The following MAPK8 variants were observed in gnomAD, a reference collection of about 807,000 sequenced individuals.
MAPK8 encodes the protein mitogen-activated protein kinase 8.
A neutral mutation model predicts 52.9 loss-of-function variants in MAPK8; 13 were observed. That is an observed-to-expected ratio of 0.25 (90% CI 0.16 to 0.39). MAPK8 has a LOEUF of 0.39. Among genes scored for constraint, MAPK8 ranks in the 10% least tolerant of loss-of-function variants. The pLI is 1.00. For synonymous variants in MAPK8, 191 were observed against 169.8 expected (o/e 1.12, Z -0.97); for missense variants, 300 against 519.2 (o/e 0.58, Z 4.10).
At chr10:48,432,140 A>G (rs2044347791) in intron 11 of MAPK8, among the ~76,000 whole-genome samples, 1 of 152,192 alleles carries the variant, frequency 6.6e-6, no homozygotes, top group Non-Finnish European at 1.5e-5. Context: ...AAGGAGGTGA[A>G]ATTTGAGCTG....
chr10:48,396,613 T>G (rs2041899501), intron 1 of MAPK8, among the ~76,000 whole-genome samples: 1 of 152,150 alleles, frequency 6.6e-6, no homozygotes, highest in Admixed American at 6.5e-5. Context: ...AAACTTATAT[T>G]CACACAAAAA....
rs531304408 is a variant in MAPK8 at position 48,386,407 on chromosome 10, T to G, written c.-49-15205T>G. On this transcript the variant is annotated intron_variant, in intron 1 of 11. Coordinates refer to ENST00000374189, the MANE Select transcript of MAPK8 (RefSeq NM_001323329.2). ...ATTTAAAATTAAAATAGCTTTTGAG[T>G]ACCTTGGGAAATAGTATATTCTTAC... 2.6e-5 allele frequency among the ~76,000 whole-genome samples: 4 copies of G among 152,336 alleles called. No homozygotes were observed. The South Asian group carries it at 8.3e-4, about 32-fold the overall frequency.
chr10:48,393,288 C>A (rs778323823), intron 1 of MAPK8, among the ~76,000 whole-genome samples: 40 of 151,990 alleles, frequency 2.6e-4, no homozygotes, highest in Non-Finnish European at 4.6e-4. Flanking sequence ...AAAGTTATCT[C>A]AGACTCAACA....
chr10:48,390,092 G>C (rs2041539922), intron 1 of MAPK8, among the ~76,000 whole-genome samples: 1 of 152,072 alleles, frequency 6.6e-6, no homozygotes, highest in Admixed American at 6.6e-5. Flanking sequence ...CAAGATCTAG[G>C]AAGAGCTGAT....
intron 5 of MAPK8, among the ~76,000 whole-genome samples, chr10:48,412,618 C>T (rs1162447729): frequency 6.6e-6 from 1 of 152,144 alleles, no homozygotes; most frequent in African/African-American, 2.4e-5. Flanking sequence ...TATTTACTTG[C>T]CTTAACCATG....
chr10:48,380,893 T>G (rs1054723557), intron 1 of MAPK8, among the ~76,000 whole-genome samples: 1 of 152,208 alleles, frequency 6.6e-6, no homozygotes, highest in Non-Finnish European at 1.5e-5. Flanking sequence ...GCTCTTTGAT[T>G]AGCAGGAGAC....
At chr10:48,327,621 C>A (rs1274843439) in intron 1 of MAPK8, among the ~76,000 whole-genome samples, 1 of 152,132 alleles carries the variant, frequency 6.6e-6, no homozygotes, top group Non-Finnish European at 1.5e-5. Context: ...AATGTTCCTT[C>A]TGTTTTTATT....
intron 2 of MAPK8, among the ~76,000 whole-genome samples, chr10:48,402,456 TCATC>T (rs1415862759): frequency 1.3e-5 from 2 of 152,212 alleles, no homozygotes; most frequent in Non-Finnish European, 2.9e-5. Context: ...GTTTCAAAAT[TCATC>T]CATATGTTTA....
At chr10:48,412,828 T>C (rs1019579939) in intron 5 of MAPK8, among the ~76,000 whole-genome samples, 1 of 152,234 alleles carries the variant, frequency 6.6e-6, no homozygotes, top group Non-Finnish European at 1.5e-5. Context: ...AACCATTAAA[T>C]CTACAGTTCT....
chr10:48,395,439 C>T (rs1008381966), intron 1 of MAPK8, among the ~76,000 whole-genome samples: 6 of 151,906 alleles, frequency 3.9e-5, no homozygotes, highest in Non-Finnish European at 8.8e-5. Context: ...GATTTTTGGA[C>T]AATTGGACAT....
At chr10:48,323,180 T>C (rs1232520644) in intron 1 of MAPK8, among the ~76,000 whole-genome samples, 1 of 152,186 alleles carries the variant, frequency 6.6e-6, no homozygotes, top group Non-Finnish European at 1.5e-5. Context: ...CTAGATATTT[T>C]TGCAAAGTTT....
In MAPK8 at chr10:48,373,571, C is replaced by CAAAAAAAAAAAAAAAAAAA. The variant is rs539162576; in HGVS notation, c.-49-28032_-49-28014dup. Among the ~76,000 whole-genome samples, 15 of 16,844 alleles carry CAAAAAAAAAAAAAAAAAAA rather than the reference C, an allele frequency of 8.9e-4. 7 individuals are homozygous for CAAAAAAAAAAAAAAAAAAA. The highest frequency in any genetic ancestry group is 2.5e-3 in the Admixed American group (2 of 800). The allele number at this position is 16,844 out of a possible 152,430, so 11.1% of individuals were successfully genotyped here. A position where few individuals can be genotyped will look rare whatever the true frequency, so the allele number is the denominator to read the frequency against. ...GAAGATTTACCAAGTAAATTGAAAG[C>CAAAAAAAAAAAAAAAAAAA]AAAAAAAAAAAAAAAAAAAAAAAAA... On this transcript the variant is annotated intron_variant, in intron 1 of 11. Coordinates refer to ENST00000374189, the MANE Select transcript of MAPK8 (RefSeq NM_001323329.2).
chr10:48,328,836 A>C (rs2132229287), intron 1 of MAPK8, among the ~76,000 whole-genome samples: 1 of 152,350 alleles, frequency 6.6e-6, no homozygotes, highest in East Asian at 1.9e-4. Flanking sequence ...ATACTTTGCC[A>C]GTTTGTACTT....
intron 1 of MAPK8, among the ~76,000 whole-genome samples, chr10:48,314,516 G>A (rs1212236512): frequency 6.6e-6 from 1 of 152,170 alleles, no homozygotes; most frequent in Non-Finnish European, 1.5e-5. Context: ...ATTACCTTGT[G>A]CATACGTCGT....
In MAPK8 at chr10:48,426,642, A is replaced by G. The variant is rs374585907; in HGVS notation, c.996+138A>G. Reference sequence around the variant, plus strand: ...GATGTTTTTCTGTTTCTTCATGAAGACTACGTCAAATAAACTAATGAACAT... The same window carrying G: ...GATGTTTTTCTGTTTCTTCATGAAGGCTACGTCAAATAAACTAATGAACAT... On this transcript the variant is annotated intron_variant, in intron 9 of 11. Coordinates refer to ENST00000374189, the MANE Select transcript of MAPK8 (RefSeq NM_001323329.2). 5.7e-5 allele frequency: 45 copies of G among 792,962 alleles called. No homozygotes were observed. The East Asian group carries it at 9.0e-4, about 16-fold the overall frequency. 49.1% of individuals were successfully genotyped at this position (792,962 alleles called of 1,614,324 possible).
At chr10:48,420,073 A>G in intron 5 of MAPK8, 82 bp from the exon 6 acceptor site, 1 of 989,624 alleles carries the variant, frequency 1.0e-6, no homozygotes, top group Non-Finnish European at 1.5e-6. Context: ...AATGTTTTGC[A>G]AGGGATAGTA....
At chr10:48,390,254 T>G (rs1162505722) in intron 1 of MAPK8, among the ~76,000 whole-genome samples, 1 of 152,204 alleles carries the variant, frequency 6.6e-6, no homozygotes, top group African/African-American at 2.4e-5. Flanking sequence ...TCAGCTTTAC[T>G]CAGTCTGTTT....
chr10:48,425,833 G>GTAA (rs1564619307), intron 7 of MAPK8, 55 bp from the exon 8 acceptor site: 1 of 815,204 alleles, frequency 1.2e-6, no homozygotes, highest in Non-Finnish European at 1.8e-6. Context: ...ATATGAATAT[G>GTAA]ACTAATGTAT....
At position 48,360,849 on chromosome 10, in the gene MAPK8, T is replaced by C. The variant is rs73294831; in HGVS notation, c.-49-40763T>C. On this transcript the variant is annotated intron_variant, in intron 1 of 11. Transcript: ENST00000374189. ...CACAAACTTTAGGATAAATGGTACC[T>C]CTTGGGTGTGAGAGGAGGAGATGAT... 3.5e-3 allele frequency among the ~76,000 whole-genome samples: 531 copies of C among 152,264 alleles called. 5 individuals are homozygous for C. Among genetic ancestry groups the C allele is most frequent in the African/African-American group, 0.012 (517 of 41,562 alleles).
Sources: gnomAD v4.1 joint callset for allele counts (sites outside exome capture counted in the v4.1 genomes callset) on GRCh38, gnomAD v4.1.1 for gene constraint, MANE v1.5 for transcripts, NCBI Gene and HGNC (gene_info 2026-07-23, HGNC 2026-07-21) for gene names.